The following PRUNE2 variants were observed in gnomAD, a reference collection of about 807,000 sequenced individuals.
The protein encoded by PRUNE2 is prune homolog 2 with BCH domain.
Under a neutral mutation model 252.0 loss-of-function variants are expected in PRUNE2, and 164 were observed. The observed-to-expected ratio is 0.65, with a 90% CI of 0.57 to 0.74. The LOEUF (loss-of-function observed/expected upper bound fraction) is 0.74, where lower values mean the gene tolerates loss of function less well. Among genes scored for constraint, PRUNE2 ranks in the 30% least tolerant of loss-of-function variants. PRUNE2 has a pLI of 0.00. For missense variants in PRUNE2, 3,495 were observed against 3,711.0 expected, an observed-to-expected ratio of 0.94 and a Z score of 1.51; for synonymous variants, 1,292 against 1,350.2, an observed-to-expected ratio of 0.96 and a Z score of 0.94.
chr9:76,780,286 T>G (rs1031254892), intron 6 of PRUNE2, among the ~76,000 whole-genome samples: 1 of 152,098 alleles, frequency 6.6e-6, no homozygotes, highest in Non-Finnish European at 1.5e-5. Flanking sequence ...AATTGAGAAT[T>G]GAACAAATTT....
intron 9 of PRUNE2, among the ~76,000 whole-genome samples, chr9:76,680,262 A>G (rs1212228585): frequency 6.6e-6 from 1 of 152,222 alleles, no homozygotes; most frequent in African/African-American, 2.4e-5. Context: ...AAGATGCTCC[A>G]CATCACTAAT....
chr9:76,744,208 C>G (rs1007885939), intron 6 of PRUNE2, among the ~76,000 whole-genome samples: 1 of 152,174 alleles, frequency 6.6e-6, no homozygotes, highest in African/African-American at 2.4e-5. Context: ...TTATTATAAT[C>G]ATTTATTCTG....
chr9:76,644,513 T>C (rs1460637790), intron 12 of PRUNE2: 1 of 639,144 alleles, frequency 1.6e-6, no homozygotes, highest in Non-Finnish European at 2.9e-6. Context: ...ATATGTAGCA[T>C]GAAAAGCCCG....
intron 6 of PRUNE2, among the ~76,000 whole-genome samples, chr9:76,734,350 A>C (rs1344011240): frequency 6.6e-6 from 1 of 152,198 alleles, no homozygotes; most frequent in Non-Finnish European, 1.5e-5. Context: ...TTTTAAGATC[A>C]TCGAACCTAC....
rs115073935 is a variant in PRUNE2, at chr9:76,627,455, C to T, written c.9149+1737G>A. On this transcript the variant is annotated intron_variant, in intron 16 of 18. Transcript: ENST00000376718. ...AAAGAGTAGAAGTGGGATTTGAAGA[C>T]GGAGTACACCTTTTTGAGGCAGCAG... Among the ~76,000 whole-genome samples the T allele has an allele frequency of 9.0e-3, 1,376 of 152,080 alleles. 20 individuals are homozygous for T. Among genetic ancestry groups the T allele is most frequent in the African/African-American group, 0.03 (1,241 of 41,450 alleles).
At position 76,710,546 on chromosome 9, in the gene PRUNE2, A is replaced by C. The variant is rs866750669; in HGVS notation, c.1728T>G (p.Ser576Arg). The change falls in exon 8 of 19, where the codon AGT becomes AGG. Residue 576 changes from serine (S) to arginine (R), a missense_variant. By Grantham distance (110) the Ser-to-Arg change is moderately radical. Coordinates refer to ENST00000376718, the MANE Select transcript of PRUNE2 (RefSeq NM_015225.3). Reference protein sequence around the residue: ...HDEEFVQRQDSPRDNSERNLS... With the variant: ...HDEEFVQRQDRPRDNSERNLS... ...AATTTCTTTCAGAGTTATCTCTGGGACTGTCTTGTCTCTGGACAAACTCCT... is the reference window on the plus strand; with the variant it reads ...AATTTCTTTCAGAGTTATCTCTGGGCCTGTCTTGTCTCTGGACAAACTCCT... 6.2e-7 allele frequency: 1 copy of C among 1,613,900 alleles called. No homozygotes were observed.
rs752475597 is a variant in PRUNE2 at position 76,711,311 on chromosome 9, C to T, written c.963G>A (p.Glu321=). ...TCTCATCACAGCCACAGTCAAAGGG[C>T]TCCAGTTCTAGGCAAGGGTTCTGAC... The part of the protein sequence containing the change: ...EECQNPCLEL[E]PFDCGCDEIL... The change falls in exon 8 of 19, where the codon GAG becomes GAA. Residue 321 remains glutamate, a synonymous_variant. Transcript: ENST00000376718. 72 of 1,613,588 alleles carry T rather than the reference C, an allele frequency of 4.5e-5. No individual in the cohort carries two copies. The East Asian group carries it at 1.6e-3, about 35-fold the overall frequency.
intron 16 of PRUNE2, among the ~76,000 whole-genome samples, chr9:76,626,263 G>A (rs540314298): frequency 6.6e-6 from 1 of 152,252 alleles, no homozygotes; most frequent in Admixed American, 6.5e-5. Context: ...TATAAATTTG[G>A]TTCTAGGTTG....
intron 9 of PRUNE2, among the ~76,000 whole-genome samples, chr9:76,667,611 C>T (rs1375565752): frequency 2.0e-5 from 3 of 152,212 alleles, no homozygotes; most frequent in African/African-American, 7.2e-5. Flanking sequence ...AGTGTGAAGT[C>T]ATCCAAATGC....
intron 6 of PRUNE2, among the ~76,000 whole-genome samples, chr9:76,723,057 C>T (rs75527875): frequency 0.013 from 1,937 of 152,294 alleles, 22 homozygotes; most frequent in Non-Finnish European, 0.022. Flanking sequence ...TTTTGAAGAT[C>T]GAACATTACC....
At chr9:76,837,973 G>A (rs964738306) in intron 4 of PRUNE2, among the ~76,000 whole-genome samples, 26 of 151,760 alleles carry the variant, frequency 1.7e-4, no homozygotes, top group South Asian at 4.2e-4. Context: ...GGGTTTCACC[G>A]TGTTAGCCAG....
chr9:76,701,822 A>G (rs535684308), intron 9 of PRUNE2, among the ~76,000 whole-genome samples: 8 of 152,330 alleles, frequency 5.3e-5, no homozygotes, highest in Admixed American at 2.6e-4. Context: ...TCCCCTGGAC[A>G]CATTCTGTTT....
chr9:76,839,656 T>A (rs1017208131), intron 4 of PRUNE2, among the ~76,000 whole-genome samples: 2 of 152,182 alleles, frequency 1.3e-5, no homozygotes, highest in African/African-American at 4.8e-5. Flanking sequence ...ATGGCCTGAC[T>A]TACAATTTAC....
intron 6 of PRUNE2, among the ~76,000 whole-genome samples, chr9:76,801,602 T>A (rs1472739434): frequency 6.6e-6 from 1 of 152,182 alleles, no homozygotes; most frequent in Non-Finnish European, 1.5e-5. Flanking sequence ...CAGGTTATAA[T>A]TTATTAATTT....
At chr9:76,812,970 A>G (rs1478662491) in intron 6 of PRUNE2, among the ~76,000 whole-genome samples, 3 of 152,220 alleles carry the variant, frequency 2.0e-5, no homozygotes, top group Non-Finnish European at 4.4e-5. Context: ...AAAGTAATAC[A>G]TTCTCAAAAC....
chr9:76,884,161 C>G (rs143344080), intron 1 of PRUNE2, among the ~76,000 whole-genome samples: 373 of 152,244 alleles, frequency 2.5e-3, no homozygotes, highest in Non-Finnish European at 4.5e-3. Context: ...AAGGCTTGCA[C>G]AAAGCACACT....
At chr9:76,784,677 T>G (rs1169928431) in intron 6 of PRUNE2, 2 of 152,270 alleles carry the variant, frequency 1.3e-5, no homozygotes, top group East Asian at 3.8e-4. Flanking sequence ...TGCTGCCTAA[T>G]ATGTAGCTGA....
At chr9:76,756,050 G>T (rs937041819) in intron 6 of PRUNE2, among the ~76,000 whole-genome samples, 2 of 152,094 alleles carry the variant, frequency 1.3e-5, no homozygotes, top group African/African-American at 2.4e-5. Flanking sequence ...TTTCCTGGTG[G>T]TCCTTCCCTT....
intron 6 of PRUNE2, among the ~76,000 whole-genome samples, chr9:76,816,031 G>A (rs558227034): frequency 1.8e-4 from 27 of 151,806 alleles, no homozygotes; most frequent in Admixed American, 1.4e-3. Context: ...TCGTGGTGGC[G>A]GGCACCTGTA....
Sources: allele counts gnomAD v4.1 joint callset (sites outside exome capture counted in the v4.1 genomes callset), GRCh38; gene constraint gnomAD v4.1.1; transcripts MANE v1.5; gene names NCBI Gene and HGNC (gene_info 2026-07-23, HGNC 2026-07-21).